The following MATN2 variants were observed in gnomAD, a reference collection of about 807,000 sequenced individuals.
MATN2 encodes matrilin-2.
Under a neutral mutation model 103.2 loss-of-function variants are expected in MATN2, and 69 were observed. The ratio of observed to expected loss-of-function variants is 0.67; its 90% CI spans 0.55 to 0.82. The LOEUF is 0.82. Among genes scored for constraint, MATN2 ranks in the 40% least tolerant of loss-of-function variants. The pLI is 0.00. For synonymous variants in MATN2, 429 were observed against 450.2 expected (o/e 0.95, Z 0.60); for missense variants, 1,023 against 1,211.5 (o/e 0.84, Z 2.31).
intron 1 of MATN2, among the ~76,000 whole-genome samples, chr8:97,884,206 T>A (rs1818349795): frequency 6.6e-6 from 1 of 151,718 alleles, no homozygotes; most frequent in Non-Finnish European, 1.5e-5. Flanking sequence ...AATGGTGCAA[T>A]CTTGGCTCAT....
chr8:97,891,100 T>G, intron 2 of MATN2, among the ~76,000 whole-genome samples: 1 of 152,030 alleles, frequency 6.6e-6, no homozygotes, highest in East Asian at 1.9e-4. Flanking sequence ...CAGATGCCGG[T>G]TGGGGGTGTG....
chr8:97,931,546 C>G lies in MATN2; in HGVS notation c.712+24C>G. ...CAGTAAGTCCTGCTCCTTTGTCACT[C>G]TTCTAGAGGAACCACTAGAATTCAT... On this transcript the variant is annotated intron_variant, in intron 3 of 18. Transcript: ENST00000254898. The surrounding 1 kb of genome is among the most constrained non-coding windows in gnomAD (Gnocchi z 4.1). The G allele has an allele frequency of 6.4e-7, 1 of 1,554,910 alleles. No individual in the cohort carries two copies. Among genetic ancestry groups the G allele is most frequent in the Non-Finnish European group, 8.7e-7 (1 of 1,151,876 alleles).
intron 4 of MATN2, among the ~76,000 whole-genome samples, chr8:97,957,148 G>C (rs1298829216): frequency 6.6e-6 from 1 of 152,186 alleles, no homozygotes; most frequent in African/African-American, 2.4e-5. Flanking sequence ...ACTTGAAGGA[G>C]GCTTCCCACA....
At chr8:98,030,642 G>A in intron 15 of MATN2, 28 bp downstream of exon 15, 1 of 1,596,988 alleles carries the variant, frequency 6.3e-7, no homozygotes, top group Non-Finnish European at 8.5e-7. Context: ...GAAGACCTTA[G>A]CAAACAAGGC....
At chr8:98,016,795 T>TCC in intron 11 of MATN2, 133 bp downstream of exon 11, 1 of 1,018,954 alleles carries the variant, frequency 9.8e-7, no homozygotes, top group Non-Finnish European at 1.5e-6. Flanking sequence ...GTGTCCTGGA[T>TCC]AGGACCCTGA....
rs202199486 is a variant in MATN2, at chr8:98,015,925, TATAC to T, written c.1574-603_1574-600del. On this transcript the variant is annotated intron_variant, in intron 10 of 18. Coordinates refer to ENST00000254898, the MANE Select transcript of MATN2 (RefSeq NM_002380.5). Reference sequence around the variant, plus strand: ...ATGAATTGGTTACCTAAGTGTAATATATACATACATACATAAGTAGATATGTAAA... The same window carrying T: ...ATGAATTGGTTACCTAAGTGTAATATATACATACATAAGTAGATATGTAAA... 4.4e-4 allele frequency among the ~76,000 whole-genome samples: 67 copies of T among 152,324 alleles called. No individual in the cohort carries two copies. In the East Asian group the frequency reaches 5.0e-3, roughly 11 times the overall value.
intron 1 of MATN2, among the ~76,000 whole-genome samples, chr8:97,873,532 A>G (rs569996337): frequency 3.3e-5 from 5 of 151,968 alleles, no homozygotes; most frequent in Non-Finnish European, 5.9e-5. Context: ...GGGTTTCACC[A>G]TGTTGGCCAG....
rs748662916 is a variant in MATN2, at chr8:98,007,087, G to T, written c.1328-18G>T. On this transcript the variant is annotated intron_variant, in intron 8 of 18. Coordinates refer to ENST00000254898, the MANE Select transcript of MATN2 (RefSeq NM_002380.5). The surrounding 1 kb of genome is among the most constrained non-coding windows in gnomAD (Gnocchi z 4.2). ...GCCCCCTCGGCTCCTCTATGCTTTC[G>T]CGTGTGTGAAAATGCAGGAGTGGAC... is the stretch of plus-strand genomic sequence containing the variant. 41 of 1,596,612 alleles carry T rather than the reference G, an allele frequency of 2.6e-5. No individual in the cohort carries two copies. The highest frequency in any genetic ancestry group is 2.7e-5 in the Non-Finnish European group (32 of 1,171,076).
chr8:97,956,742 A>G (rs1702032884), intron 4 of MATN2, among the ~76,000 whole-genome samples: 1 of 152,016 alleles, frequency 6.6e-6, no homozygotes, highest in South Asian at 2.1e-4. Context: ...CTCCTACCTC[A>G]CTCTGAGCCC....
At chr8:97,921,985 A>G (rs1004556937) in intron 2 of MATN2, among the ~76,000 whole-genome samples, 1 of 152,206 alleles carries the variant, frequency 6.6e-6, no homozygotes, top group Non-Finnish European at 1.5e-5. Flanking sequence ...CAGTGGCGAC[A>G]TTCCGTTCTC....
At chr8:97,889,204 A>G (rs569925093) in intron 2 of MATN2, among the ~76,000 whole-genome samples, 193 of 152,080 alleles carry the variant, frequency 1.3e-3, no homozygotes, top group African/African-American at 4.3e-3. Flanking sequence ...CCTCAGTGGC[A>G]TCCGAAATTA....
chr8:97,907,543 C>T (rs528880975), intron 2 of MATN2, among the ~76,000 whole-genome samples: 2 of 150,144 alleles, frequency 1.3e-5, no homozygotes, highest in Admixed American at 6.6e-5. Flanking sequence ...AGGATGGCCT[C>T]GATCTCCTGA....
intron 6 of MATN2, among the ~76,000 whole-genome samples, chr8:97,993,249 G>C (rs1351197878): frequency 6.6e-6 from 1 of 151,994 alleles, no homozygotes; most frequent in Non-Finnish European, 1.5e-5. Context: ...CTCTGGTATG[G>C]ACTGGGAACT....
At chr8:98,033,199 T>C in intron 17 of MATN2, 23 bp downstream of exon 17, 1 of 1,576,010 alleles carries the variant, frequency 6.3e-7, no homozygotes, top group Non-Finnish European at 8.6e-7. Context: ...AAAATATTAC[T>C]ATAAGATAAC....
chr8:98,021,182 T>C (rs762467708), intron 12 of MATN2, 23 bp from the exon 13 acceptor site: 1 of 1,611,100 alleles, frequency 6.2e-7, no homozygotes, highest in Non-Finnish European at 8.5e-7. Flanking sequence ...ATGGGATTGT[T>C]CAACTCCCTA....
intron 2 of MATN2, among the ~76,000 whole-genome samples, chr8:97,929,792 T>C (rs151097752): frequency 1.3e-3 from 194 of 152,336 alleles, no homozygotes; most frequent in Middle Eastern, 6.8e-3. Flanking sequence ...AGAAATTGTG[T>C]ATACCATCCA....
chr8:97,887,494 G>A (rs1818476066), intron 1 of MATN2, among the ~76,000 whole-genome samples: 1 of 152,120 alleles, frequency 6.6e-6, no homozygotes, highest in South Asian at 2.1e-4. Context: ...TTTAGAATAG[G>A]GCCTGGCACA....
At chr8:97,991,988 G>C (rs148878399) in intron 6 of MATN2, among the ~76,000 whole-genome samples, 1 of 152,344 alleles carries the variant, frequency 6.6e-6, no homozygotes, top group Non-Finnish European at 1.5e-5. Flanking sequence ...CCCTAGACTA[G>C]ATCCTGTACT....
At chr8:97,928,165 G>A (rs141238081) in intron 2 of MATN2, among the ~76,000 whole-genome samples, 4 of 151,096 alleles carry the variant, frequency 2.6e-5, no homozygotes, top group Non-Finnish European at 5.9e-5. Flanking sequence ...CCCAACCCAG[G>A]GCTATATGCT....
Sources: gnomAD v4.1 joint callset for allele counts (sites outside exome capture counted in the v4.1 genomes callset) on GRCh38, gnomAD v4.1.1 for gene constraint, Gnocchi (gnomAD v3.1) non-coding constraint, MANE v1.5 for transcripts, NCBI Gene and HGNC (gene_info 2026-07-23, HGNC 2026-07-21) for gene names.